The following PKD1 variants were observed in gnomAD, a reference collection of about 807,000 sequenced individuals.
PKD1 encodes the protein polycystin 1, transient receptor potential channel interacting, also known as polycystin-1.
A neutral mutation model predicts 361.7 loss-of-function variants in PKD1; 81 were observed. The observed-to-expected ratio is 0.22, with a 90% CI of 0.19 to 0.27. PKD1 has a LOEUF of 0.27. Among genes scored for constraint, PKD1 ranks in the 10% least tolerant of loss-of-function variants. The pLI is 1.00. For synonymous variants in PKD1, 3,615 were observed against 2,818.3 expected, an observed-to-expected ratio of 1.28 and a Z score of -8.95; for missense variants, 6,399 against 6,118.3, an observed-to-expected ratio of 1.05 and a Z score of -1.53.
Position 2,110,709 on chromosome 16 carries a change from C to A in PKD1, c.4458G>T (p.Leu1486=). The stretch of plus-strand genomic sequence containing the variant: ...GGCGCCCACGGCCCACAGCAGAGAA[C>A]AGGTACGGCTGCTGCAGCTCCAGCC... ...SLGLELQQPY[L]FSAVGRGRPA... is the part of the protein sequence containing the mutation. The change falls in exon 15 of 46, where the codon CTG becomes CTT. Residue 1486 remains leucine, a synonymous_variant. Coordinates refer to ENST00000262304, the MANE Select transcript of PKD1 (RefSeq NM_001009944.3). The A allele has an allele frequency of 6.2e-7, 1 of 1,610,566 alleles. No individual in the cohort carries two copies. The highest frequency in any genetic ancestry group is 8.5e-7 in the Non-Finnish European group (1 of 1,179,700).
Position 2,090,598 on chromosome 16 carries a change from G to A in PKD1, c.12139-8C>T, listed in dbSNP as rs774226144. 11 of 1,608,414 alleles carry A rather than the reference G, an allele frequency of 6.8e-6. No individual in the cohort carries two copies. The highest frequency in any genetic ancestry group is 4.5e-5 in the East Asian group (2 of 44,882). ...CACACAGGAAGACACGAGCTGCGGG[G>A]AAGGCGACACCAGTGAGGGCGTACA... On this transcript the variant is annotated splice_region_variant and splice_polypyrimidine_tract_variant and intron_variant, in intron 44 of 45. Coordinates refer to ENST00000262304, the MANE Select transcript of PKD1 (RefSeq NM_001009944.3).
rs1291919678 is a variant in PKD1 at position 2,108,276 on chromosome 16, G to C, written c.6891C>G (p.His2297Gln). 4.4e-6 allele frequency: 7 copies of C among 1,602,444 alleles called. No homozygotes were observed. The East Asian group carries it at 6.7e-5, about 15-fold the overall frequency. ...CCTGTGTCGAAGCCACACAGGCCCA[G>C]TGGAAACTGAGCGGCGTCTGGTCGC... ...EDGDQTPLSF[H>Q]WACVASTQRE... The change falls in exon 15 of 46, where the codon CAC becomes CAG. Residue 2297 changes from histidine to glutamine, a missense_variant. His to Gln is a conservative substitution (Grantham distance 24). Transcript: ENST00000262304.
Position 2,090,695 on chromosome 16 carries a change from G to C in PKD1, c.12117C>G (p.Ala4039=). ...CTACCAGGATGGCCAGCTGGGCGTA[G>C]GCTACCCCGAGCACCACCAGGCCCA... is the stretch of plus-strand genomic sequence containing the variant. ...VTLGLVVLGV[A]YAQLAILLVS... Residue 4039 remains alanine, a synonymous_variant, in exon 44 of 46, where the codon GCC becomes GCG. Transcript: ENST00000262304. The C allele has an allele frequency of 6.2e-7, 1 of 1,612,388 alleles. No homozygotes were observed. Among genetic ancestry groups the C allele is most frequent in the Middle Eastern group, 1.6e-4 (1 of 6,062 alleles).
At chr16:2,133,039 G>A (rs1366887100) in intron 1 of PKD1, 2 of 143,692 alleles carry the variant, frequency 1.4e-5, no homozygotes, top group Admixed American at 7.3e-5. Flanking sequence ...CCGAGATCGT[G>A]CCATTGCACT....
Position 2,108,375 on chromosome 16 carries a change from T to A in PKD1, c.6792A>T (p.Ser2264=), listed in dbSNP as rs142928249. The change falls in exon 15 of 46, where the codon TCA becomes TCT. Residue 2264 remains serine (S), a synonymous_variant. Coordinates refer to ENST00000262304, the MANE Select transcript of PKD1 (RefSeq NM_001009944.3). ...CCCGTGTGTCTGACCACACGCGGTA[T>A]GAGCCACCCTCAATGATGGGCACCA... is the stretch of plus-strand genomic sequence containing the variant. ...ERLVPIIEGG[S]YRVWSDTRDL... is the part of the protein sequence containing the mutation. 3.8e-5 allele frequency: 61 copies of A among 1,610,548 alleles called. No individual in the cohort carries two copies. In the South Asian group the frequency reaches 5.8e-4, roughly 15 times the overall value.
chr16:2,093,520 G>A (rs1596487704), intron 37 of PKD1, 24 bp downstream of exon 37: 2 of 1,579,922 alleles, frequency 1.3e-6, no homozygotes, highest in South Asian at 2.3e-5. Context: ...AGGTGGCAGG[G>A]GCACAGGCCG....
At chr16:2,126,512 C>A (rs1314885782) in intron 1 of PKD1, among the ~76,000 whole-genome samples, 1 of 152,284 alleles carries the variant, frequency 6.6e-6, no homozygotes, top group African/African-American at 2.4e-5. Flanking sequence ...AGGACAGCTG[C>A]CAAGCCATGA....
chr16:2,094,157 TC>T lies in PKD1; in HGVS notation c.10552del (p.Glu3518SerfsTer9). The stretch of plus-strand genomic sequence containing the variant: ...CAGGCCTGGGCTGGGTGGCCCCAGC[TC>T]CCCCAGCCTCTGCAGCGCCAGCGTC... Reference protein sequence around the residue: ...TETLALQRLGELGPPSPGLNW... With the variant: ...TETLALQRLGXLGPPSPGLNW... On this transcript the variant is annotated frameshift_variant, in exon 35 of 46. Transcript: ENST00000262304. LOFTEE classifies it high-confidence loss of function. The T allele has an allele frequency of 1.9e-6, 3 of 1,601,348 alleles. No homozygotes were observed. Among genetic ancestry groups the T allele is most frequent in the Non-Finnish European group, 1.7e-6 (2 of 1,174,106 alleles).
intron 1 of PKD1, among the ~76,000 whole-genome samples, chr16:2,122,350 C>G (rs1341999900): frequency 1.3e-5 from 2 of 152,198 alleles, no homozygotes; most frequent in Non-Finnish European, 2.9e-5. Context: ...GCCCTGGGCT[C>G]CGGGAGGGGA....
At chr16:2,119,536 C>T (rs2092688872) in intron 1 of PKD1, 158 bp from the exon 2 acceptor site, 1 of 692,438 alleles carries the variant, frequency 1.4e-6, no homozygotes, top group Admixed American at 2.0e-5. Flanking sequence ...TGATGGAAGA[C>T]CCAAATGAAC....
intron 1 of PKD1, among the ~76,000 whole-genome samples, chr16:2,121,202 C>T (rs2092714972): frequency 6.6e-6 from 1 of 151,262 alleles, no homozygotes. Flanking sequence ...CCTGTCTCTA[C>T]CAAAACTACA....
intron 10 of PKD1, 63 bp from the exon 11 acceptor site, chr16:2,114,988 G>A (rs912385445): frequency 1.3e-5 from 19 of 1,519,120 alleles, no homozygotes; most frequent in East Asian, 7.3e-5. Flanking sequence ...ACCCCCGCAC[G>A]ACGGATGAGG....
rs764148575 is a variant in PKD1, at chr16:2,092,164, G to C, written c.11294C>G (p.Pro3765Arg). Residue 3765 changes from proline to arginine, a missense_variant, in exon 40 of 46, where the codon CCC (proline) becomes CGC (arginine). Pro to Arg is a moderately radical substitution (Grantham distance 103). Transcript: ENST00000262304. ...QEALYPDPPG[P>R]RVHTCSAAGG... Reference sequence around the variant, plus strand: ...TGCGGCCGAGCACGTGTGGACCCTGGGGCCGGGAGGGTCTGGGTAGAGTGC... The same window carrying C: ...TGCGGCCGAGCACGTGTGGACCCTGCGGCCGGGAGGGTCTGGGTAGAGTGC... The C allele has an allele frequency of 1.2e-6, 2 of 1,609,738 alleles. No individual in the cohort carries two copies. Among genetic ancestry groups the C allele is most frequent in the Non-Finnish European group, 1.7e-6 (2 of 1,178,850 alleles).
intron 21 of PKD1, among the ~76,000 whole-genome samples, chr16:2,105,024 G>A: frequency 8.6e-6 from 1 of 116,628 alleles, no homozygotes; most frequent in South Asian, 3.3e-4. Flanking sequence ...GGGGCTAGGG[G>A]AGGGAAGGGG....
intron 26 of PKD1, among the ~76,000 whole-genome samples, chr16:2,101,500 C>T (rs2092095489): frequency 1.3e-5 from 2 of 152,114 alleles, no homozygotes; most frequent in African/African-American, 2.4e-5. Context: ...ACCTGTACTC[C>T]CAGCTACTCA....
rs1314836082 is a variant in PKD1, at chr16:2,111,641, C to T, written c.3526G>A (p.Ala1176Thr). The change falls in exon 15 of 46, where the codon GCT becomes ACT. Residue 1176 changes from alanine (A) to threonine (T), a missense_variant. Transcript: ENST00000262304. Reference sequence around the variant, plus strand: ...CTCGAGGCATAGGTGTGGTTGGCAGCCGGCTGGCTCTGGGTCAGGACAGGG... The same window carrying T: ...CTCGAGGCATAGGTGTGGTTGGCAGTCGGCTGGCTCTGGGTCAGGACAGGG... ...GSPVLTQSQP[A>T]ANHTYASRGT... is the part of the protein sequence containing the mutation. The T allele has an allele frequency of 6.4e-7, 1 of 1,573,422 alleles. No individual in the cohort carries two copies. Among genetic ancestry groups the T allele is most frequent in the Admixed American group, 1.8e-5 (1 of 54,076 alleles).
At chr16:2,093,188 G>T in intron 37 of PKD1, 95 bp from the exon 38 acceptor site, 1 of 1,473,832 alleles carries the variant, frequency 6.8e-7, no homozygotes, top group South Asian at 1.1e-5. Context: ...CGGCAGGTGT[G>T]GCTGCAGGAA....
chr16:2,113,469 G>T, intron 11 of PKD1, 177 bp from the exon 12 acceptor site: 1 of 704,320 alleles, frequency 1.4e-6, no homozygotes, highest in Non-Finnish European at 2.5e-6. Context: ...TCACTGTCCG[G>T]CTCTCCAGCC....
chr16:2,124,583 G>C (rs1296980679), intron 1 of PKD1, among the ~76,000 whole-genome samples: 1 of 152,234 alleles, frequency 6.6e-6, no homozygotes, highest in Non-Finnish European at 1.5e-5. Context: ...CAGAGGGAAT[G>C]GCCCCAGACA....
Sources: allele counts gnomAD v4.1 joint callset (sites outside exome capture counted in the v4.1 genomes callset), GRCh38; gene constraint gnomAD v4.1.1; transcripts MANE v1.5; gene names NCBI Gene and HGNC (gene_info 2026-07-23, HGNC 2026-07-21).